The following CFAP69 variants were observed in gnomAD, a reference collection of about 807,000 sequenced individuals.
CFAP69 encodes the protein cilia- and flagella-associated protein 69.
CFAP69 carries 92 observed loss-of-function variants against 123.0 expected under a neutral mutation model. The observed-to-expected ratio is 0.75, with a 90% CI of 0.63 to 0.89. The LOEUF (loss-of-function observed/expected upper bound fraction) is 0.89. CFAP69 is among the 40% of genes least tolerant of loss of function. The pLI, the probability that CFAP69 is intolerant of heterozygous loss-of-function variation, is 0.00. For synonymous variants in CFAP69, 380 were observed against 364.3 expected, an observed-to-expected ratio of 1.04 and a Z score of -0.49; for missense variants, 1,067 against 1,096.9, an observed-to-expected ratio of 0.97 and a Z score of 0.39.
rs17865391 is a variant in CFAP69 at position 90,279,359 on chromosome 7, A to T, written c.1156-318A>T. ...AGTAAAATACGTTATACGTTTTATT[A>T]TACGTTTTATTATACGTTAAAATAT... On this transcript the variant is annotated intron_variant, in intron 11 of 22. Coordinates refer to ENST00000389297, the MANE Select transcript of CFAP69 (RefSeq NM_001039706.3). Among the ~76,000 whole-genome samples, 16 of 152,296 alleles carry T rather than the reference A, an allele frequency of 1.1e-4. No individual in the cohort carries two copies. The East Asian group carries it at 3.1e-3, about 29-fold the overall frequency.
the CFAP69 span, among the ~76,000 whole-genome samples, chr7:90,320,104 A>C: frequency 1.3e-5 from 2 of 152,238 alleles, no homozygotes; most frequent in South Asian, 2.1e-4. Flanking sequence ...GCAAGTCTTC[A>C]GACTCCTGAC....
At chr7:90,255,858 TAC>T (rs1258310811) in intron 2 of CFAP69, among the ~76,000 whole-genome samples, 6 of 152,108 alleles carry the variant, frequency 3.9e-5, no homozygotes, top group Non-Finnish European at 8.8e-5. Flanking sequence ...TCAGGATAGA[TAC>T]ACACAAACAT....
rs1423897355 is a variant in CFAP69, at chr7:90,277,282, A to C, written c.1103A>C (p.Lys368Thr). ...SNSYEDFELK[K>T]LLFNVIVILC... Reference sequence around the variant, plus strand: ...TCCTATGAAGATTTTGAGTTGAAGAAATTACTATTCAACGTAATTGTGATC... The same window carrying C: ...TCCTATGAAGATTTTGAGTTGAAGACATTACTATTCAACGTAATTGTGATC... The change falls in exon 11 of 23, where the codon AAA becomes ACA. Residue 368 changes from lysine to threonine, a missense_variant. Transcript: ENST00000389297. The C allele has an allele frequency of 1.3e-6, 2 of 1,592,734 alleles. No individual in the cohort carries two copies. The highest frequency in any genetic ancestry group is 1.7e-6 in the Non-Finnish European group (2 of 1,169,558).
chr7:90,266,362 A>G (rs1799163502), intron 5 of CFAP69, among the ~76,000 whole-genome samples: 1 of 152,124 alleles, frequency 6.6e-6, no homozygotes, highest in Non-Finnish European at 1.5e-5. Context: ...CACCTTAGGA[A>G]GCAGGCAGGT....
At chr7:90,281,718 A>G (rs563741450) in intron 12 of CFAP69, among the ~76,000 whole-genome samples, 2 of 152,344 alleles carry the variant, frequency 1.3e-5, no homozygotes, top group East Asian at 3.9e-4. Context: ...GTTTCTTTAA[A>G]AAGACTCATG....
At chr7:90,260,081 T>G (rs1798122008) in intron 3 of CFAP69, among the ~76,000 whole-genome samples, 1 of 152,216 alleles carries the variant, frequency 6.6e-6, no homozygotes, top group African/African-American at 2.4e-5. Context: ...ATGATTTTTT[T>G]GATAATTTTT....
At chr7:90,322,386 G>C in the CFAP69 span, 5 of 152,222 alleles carry the variant, frequency 3.3e-5, no homozygotes, top group African/African-American at 4.8e-5. Context: ...ACAATTAGCA[G>C]AGATGCAGAG....
At chr7:90,262,138 T>A (rs958259270) in intron 4 of CFAP69, 82 bp downstream of exon 4, 3 of 862,442 alleles carry the variant, frequency 3.5e-6, no homozygotes, top group Non-Finnish European at 5.4e-6. Flanking sequence ...ATACTATGCA[T>A]TATAGTGTAG....
At chr7:90,260,329 C>T (rs1158597196) in intron 3 of CFAP69, among the ~76,000 whole-genome samples, 2 of 151,836 alleles carry the variant, frequency 1.3e-5, no homozygotes, top group Non-Finnish European at 2.9e-5. Flanking sequence ...AGTTTGAAAC[C>T]AGCCTGGGCA....
In CFAP69 at chr7:90,307,109, T is replaced by G. The variant is rs1453255167; in HGVS notation, c.2463+11T>G. On this transcript the variant is annotated intron_variant, in intron 20 of 22. Transcript: ENST00000389297. ...AAAGTATATGCAAAAGTAAGCTACATAGGTAGTGAGGAGGGAGAATGAAGA... is the reference window on the plus strand; with the variant it reads ...AAAGTATATGCAAAAGTAAGCTACAGAGGTAGTGAGGAGGGAGAATGAAGA... 2 of 1,603,924 alleles carry G rather than the reference T, an allele frequency of 1.2e-6. No individual in the cohort carries two copies. Among genetic ancestry groups the G allele is most frequent in the Non-Finnish European group, 8.5e-7 (1 of 1,175,100 alleles).
intron 15 of CFAP69, among the ~76,000 whole-genome samples, chr7:90,295,365 C>G (rs192675536): frequency 1.9e-4 from 29 of 152,248 alleles, no homozygotes; most frequent in Admixed American, 5.2e-4. Flanking sequence ...AGGAGAGACC[C>G]TAACTCCCCT....
At chr7:90,276,922 T>C in intron 9 of CFAP69, 151 bp from the exon 10 acceptor site, 1 of 497,402 alleles carries the variant, frequency 2.0e-6, no homozygotes, top group Non-Finnish European at 3.3e-6. Flanking sequence ...ATTTTTTGCC[T>C]CACTCTTTAT....
At chr7:90,250,187 GGAGAGA>G (rs10527106) in intron 1 of CFAP69, among the ~76,000 whole-genome samples, 2,414 of 125,656 alleles carry the variant, frequency 0.019, 70 homozygotes, top group African/African-American at 0.035. Context: ...TTTAAAGAGA[GGAGAGA>G]GAGAGAGAGA....
chr7:90,245,282 G>A lies in CFAP69; in HGVS notation c.-143G>A. 8.4e-7 allele frequency: 1 copy of A among 1,196,506 alleles called. No homozygotes were observed. 74.1% of individuals were successfully genotyped at this position (1,196,506 alleles called of 1,614,324 possible). On this transcript the variant is annotated 5_prime_UTR_variant, in exon 1 of 23. Coordinates refer to ENST00000389297, the MANE Select transcript of CFAP69 (RefSeq NM_001039706.3). ...TGTATGGCGGTGGCCTAGGCCCCTG[G>A]CGGAATTTTGGGACCTTTCGCGACT...
rs756045445 is a variant in CFAP69 at position 90,271,781 on chromosome 7, A to T, written c.683A>T (p.Glu228Val). ...LKVLQHLSTS[E>V]VNCTIMMKAQ... The stretch of plus-strand genomic sequence containing the variant: ...AATAATTTTTAAAATTTATTTTCAG[A>T]AGTTAATTGTACTATAATGATGAAA... The change falls in exon 8 of 23, where the codon GAA (glutamate) becomes GTA (valine). Residue 228 changes from glutamate (E) to valine (V), a missense_variant and splice_region_variant. By Grantham distance (121) the Glu-to-Val change is moderately radical. Coordinates refer to ENST00000389297, the MANE Select transcript of CFAP69 (RefSeq NM_001039706.3). 6.4e-7 allele frequency: 1 copy of T among 1,570,846 alleles called. No individual in the cohort carries two copies. The highest frequency in any genetic ancestry group is 1.4e-5 in the African/African-American group (1 of 72,358).
At chr7:90,303,703 A>T in intron 17 of CFAP69, 1 of 1,009,634 alleles carries the variant, frequency 9.9e-7, no homozygotes, top group Non-Finnish European at 1.2e-6. Flanking sequence ...ATTTACATAG[A>T]AGTTTTACTT....
At chr7:90,294,609 A>G (rs1460151276) in intron 15 of CFAP69, among the ~76,000 whole-genome samples, 1 of 152,096 alleles carries the variant, frequency 6.6e-6, no homozygotes, top group Non-Finnish European at 1.5e-5. Flanking sequence ...GACATACAAG[A>G]CGAGGGAAAC....
intron 7 of CFAP69, 44 bp downstream of exon 7, chr7:90,271,719 T>C: frequency 6.3e-7 from 1 of 1,593,844 alleles, no homozygotes; most frequent in South Asian, 1.1e-5. Context: ...TCAACTACTT[T>C]TGTTTATGTC....
At chr7:90,247,000 G>A (rs1479179305) in intron 1 of CFAP69, among the ~76,000 whole-genome samples, 1 of 152,044 alleles carries the variant, frequency 6.6e-6, no homozygotes, top group Non-Finnish European at 1.5e-5. Context: ...CAAGAAGAAA[G>A]CAATCAATTT....
Sources: allele counts gnomAD v4.1 joint callset (sites outside exome capture counted in the v4.1 genomes callset), GRCh38; gene constraint gnomAD v4.1.1; transcripts MANE v1.5; gene names NCBI Gene and HGNC (gene_info 2026-07-23, HGNC 2026-07-21).